Variants in GALNT12 observed in about 807,000 individuals in gnomAD.
The protein encoded by GALNT12 is UDP-GalNAc:polypeptide N-acetylgalactosaminyltransferase 12.
A neutral mutation model predicts 55.5 loss-of-function variants in GALNT12; 45 were observed. That is an observed-to-expected ratio of 0.81 (90% CI 0.64 to 1.04). The LOEUF is 1.04. Ranked by LOEUF, GALNT12 falls within the 50% of genes least tolerant of loss-of-function variation. The pLI is 0.00. For missense variants in GALNT12, 709 were observed against 754.8 expected (o/e 0.94, Z 0.71); for synonymous variants, 304 against 312.2 (o/e 0.97, Z 0.28).
At chr9:98,817,861 G>A (rs1054897860) in intron 1 of GALNT12, among the ~76,000 whole-genome samples, 6 of 152,170 alleles carry the variant, frequency 3.9e-5, no homozygotes, top group African/African-American at 1.2e-4. Flanking sequence ...GATCAGAATA[G>A]ACTTGGTGTT....
chr9:98,810,205 G>C (rs1835465138), intron 1 of GALNT12, among the ~76,000 whole-genome samples: 2 of 152,122 alleles, frequency 1.3e-5, no homozygotes, highest in Admixed American at 6.5e-5. Flanking sequence ...TCACAGTGTG[G>C]GTATGGGGTT....
At chr9:98,815,087 T>C (rs1432528970) in intron 1 of GALNT12, among the ~76,000 whole-genome samples, 1 of 152,256 alleles carries the variant, frequency 6.6e-6, no homozygotes, top group Non-Finnish European at 1.5e-5. Flanking sequence ...TAGCTGTCTT[T>C]GTATGATCAA....
chr9:98,843,867 C>T (rs1836353537), intron 7 of GALNT12, among the ~76,000 whole-genome samples: 1 of 152,226 alleles, frequency 6.6e-6, no homozygotes, highest in Non-Finnish European at 1.5e-5. Flanking sequence ...AAGAGTTTAT[C>T]TCTCTGGTCC....
chr9:98,829,141 T>G (rs1318376680), intron 3 of GALNT12, among the ~76,000 whole-genome samples: 1 of 149,562 alleles, frequency 6.7e-6, no homozygotes, highest in African/African-American at 2.5e-5. Flanking sequence ...GTCATACTCT[T>G]AGTAATTTTT....
At position 98,823,356 on chromosome 9, in the gene GALNT12, A is replaced by G. The variant is rs140383365; in HGVS notation, c.472A>G (p.Ser158Gly). The G allele has an allele frequency of 3.7e-5, 59 of 1,614,014 alleles. No homozygotes were observed. The highest frequency in any genetic ancestry group is 4.7e-5 in the Non-Finnish European group (56 of 1,179,932). The part of the protein sequence containing the change: ...AWSTLLRTVY[S>G]VLETSPDILL... ...GTCAACTCTCCTTCGGACAGTTTACAGTGTCCTTGAGACATCCCCGGATAT... is the reference window on the plus strand; with the variant it reads ...GTCAACTCTCCTTCGGACAGTTTACGGTGTCCTTGAGACATCCCCGGATAT... Residue 158 changes from serine (S) to glycine (G), a missense_variant, in exon 2 of 10, where the codon AGT (serine) becomes GGT (glycine). By Grantham distance (56) the Ser-to-Gly change is moderately conservative (BLOSUM62 0). Around this residue, in one of 5 missense-constraint regions of GALNT12, gnomAD observed 315 missense variants for 288.6 expected, o/e 1.09. Transcript: ENST00000375011.
rs1199477408 is a variant in GALNT12 at position 98,845,181 on chromosome 9, C to T, written c.1459-796C>T. On this transcript the variant is annotated intron_variant, in intron 8 of 9. Transcript: ENST00000375011. ...CATCATCTGGGAGCTTGGAAATGCA[C>T]ATTTTCAGACTGATCCCAACACTAC... Among the ~76,000 whole-genome samples, 5 of 152,150 alleles carry T rather than the reference C, an allele frequency of 3.3e-5. No homozygotes were observed. In the South Asian group the frequency reaches 8.3e-4, roughly 25 times the overall value.
chr9:98,816,965 C>T (rs528206924), intron 1 of GALNT12, among the ~76,000 whole-genome samples: 24 of 152,112 alleles, frequency 1.6e-4, no homozygotes, highest in African/African-American at 5.5e-4. Flanking sequence ...GCTGGGACTA[C>T]AGGCACCAGC....
At chr9:98,834,781 C>T (rs368660552) in intron 4 of GALNT12, among the ~76,000 whole-genome samples, 47 of 152,348 alleles carry the variant, frequency 3.1e-4, no homozygotes, top group Middle Eastern at 3.4e-3. Flanking sequence ...CTTCTCGGAA[C>T]GTGGTCTCTT....
intron 6 of GALNT12, among the ~76,000 whole-genome samples, chr9:98,839,737 G>T (rs1359746938): frequency 7.2e-5 from 11 of 152,194 alleles, no homozygotes; most frequent in African/African-American, 2.7e-4. Flanking sequence ...CAGGCGGGTT[G>T]TCCTCTACCC....
At chr9:98,826,607 G>T in intron 2 of GALNT12, 145 bp from the exon 3 acceptor site, 1 of 829,324 alleles carries the variant, frequency 1.2e-6, no homozygotes, top group Non-Finnish European at 2.0e-6. Flanking sequence ...GGTGAGGTAA[G>T]GATGTCCCAG....
At position 98,831,913 on chromosome 9, in the gene GALNT12, T is replaced by C; in HGVS notation, c.873T>C (p.Pro291=). ...TGGTGTTCACGTGGCACACAGTTCC[T>C]GAGAGGGAGAGGATACGGATGCAAT... ...WRLVFTWHTV[P]ERERIRMQSP... is the part of the protein sequence containing the mutation. The change falls in exon 4 of 10, where the codon CCT becomes CCC. Residue 291 remains proline (P), a synonymous_variant. Transcript: ENST00000375011. The C allele has an allele frequency of 6.2e-7, 1 of 1,614,106 alleles. No individual in the cohort carries two copies. Among genetic ancestry groups the C allele is most frequent in the Non-Finnish European group, 8.5e-7 (1 of 1,180,008 alleles).
chr9:98,819,606 A>T (rs1835692488), intron 1 of GALNT12, among the ~76,000 whole-genome samples: 1 of 152,238 alleles, frequency 6.6e-6, no homozygotes, highest in Non-Finnish European at 1.5e-5. Context: ...GGCCACTGCC[A>T]GGGAGCCTTG....
At chr9:98,819,233 G>A (rs1336827771) in intron 1 of GALNT12, among the ~76,000 whole-genome samples, 1 of 152,212 alleles carries the variant, frequency 6.6e-6, no homozygotes, top group East Asian at 1.9e-4. Flanking sequence ...GATAGCCTCT[G>A]TCTAAGAGAT....
chr9:98,818,712 A>G (rs1835670375), intron 1 of GALNT12, among the ~76,000 whole-genome samples: 1 of 152,188 alleles, frequency 6.6e-6, no homozygotes, highest in Non-Finnish European at 1.5e-5. Context: ...GTTGGTTTAT[A>G]AAATGTCTCA....
rs77308018 is a variant in GALNT12, at chr9:98,809,813, G to T, written c.371+1744G>T. Among the ~76,000 whole-genome samples, 788 of 152,218 alleles carry T rather than the reference G, an allele frequency of 5.2e-3. 5 individuals are homozygous for T. Among genetic ancestry groups the T allele is most frequent in the South Asian group, 0.023 (109 of 4,808 alleles). On this transcript the variant is annotated intron_variant, in intron 1 of 9. Coordinates refer to ENST00000375011, the MANE Select transcript of GALNT12 (RefSeq NM_024642.5). ...TGTCGCAGGTTGTGAATATCTCTTTGAAACACTGTGGACAATCTGTGGGGC... is the reference window on the plus strand; with the variant it reads ...TGTCGCAGGTTGTGAATATCTCTTTTAAACACTGTGGACAATCTGTGGGGC...
chr9:98,841,284 T>A (rs147092501), intron 7 of GALNT12, among the ~76,000 whole-genome samples: 321 of 152,358 alleles, frequency 2.1e-3, no homozygotes, highest in African/African-American at 7.6e-3. Flanking sequence ...AGAAGTGAGT[T>A]CTAAAGGTTT....
Position 98,837,444 on chromosome 9 carries a change from T to C in GALNT12, c.1212+296T>C, listed in dbSNP as rs138402912. Among the ~76,000 whole-genome samples, 90 of 152,314 alleles carry C rather than the reference T, an allele frequency of 5.9e-4. No homozygotes were observed. In the East Asian group the frequency reaches 0.017, roughly 28 times the overall value. On this transcript the variant is annotated intron_variant, in intron 6 of 9. Coordinates refer to ENST00000375011, the MANE Select transcript of GALNT12 (RefSeq NM_024642.5). ...TCCTGCCAGACTTGGGGCACAGTTT[T>C]GTCAGCAGATCAATACAGAACCTTG...
chr9:98,810,433 A>G (rs555742943), intron 1 of GALNT12, among the ~76,000 whole-genome samples: 2 of 152,326 alleles, frequency 1.3e-5, no homozygotes, highest in South Asian at 4.1e-4. Flanking sequence ...TATGAAAGCA[A>G]TGCATATTCA....
chr9:98,808,920 T>C (rs945053472), intron 1 of GALNT12, among the ~76,000 whole-genome samples: 1 of 152,196 alleles, frequency 6.6e-6, no homozygotes, highest in Non-Finnish European at 1.5e-5. Context: ...CTTACAGACT[T>C]TGAGGAAAAG....
Sources: gnomAD v4.1 joint callset for allele counts (sites outside exome capture counted in the v4.1 genomes callset) on GRCh38, gnomAD v4.1.1 for gene constraint, gnomAD v4.1.1 regional missense constraint, MANE v1.5 for transcripts, NCBI Gene and HGNC (gene_info 2026-07-23, HGNC 2026-07-21) for gene names.